The following TNS3 variants were observed in gnomAD, a reference collection of about 807,000 sequenced individuals.
The protein encoded by TNS3 is tensin-3.
In TNS3, 45 loss-of-function variants were observed where a neutral mutation model predicts 140.9. The ratio of observed to expected loss-of-function variants is 0.32; its 90% CI spans 0.25 to 0.41. The LOEUF (loss-of-function observed/expected upper bound fraction) is 0.41, where lower values mean the gene tolerates loss of function less well. Among genes scored for constraint, TNS3 ranks in the 10% least tolerant of loss-of-function variants. The pLI is 1.00. For missense variants in TNS3, 1,716 were observed against 1,906.7 expected (o/e 0.90, Z 1.86); for synonymous variants, 815 against 788.4 (o/e 1.03, Z -0.56).
chr7:47,428,802 A>G (rs557691566), intron 8 of TNS3, among the ~76,000 whole-genome samples: 1 of 152,362 alleles, frequency 6.6e-6, no homozygotes, highest in East Asian at 1.9e-4. Flanking sequence ...GCATGATGGG[A>G]CATAGATTCC....
intron 24 of TNS3, 100 bp downstream of exon 24, chr7:47,296,982 G>C: frequency 1.4e-6 from 2 of 1,414,618 alleles, no homozygotes; most frequent in Non-Finnish European, 1.9e-6. Flanking sequence ...AAATTTGTGA[G>C]TATTGTTAAA....
intron 3 of TNS3, among the ~76,000 whole-genome samples, chr7:47,488,145 A>G (rs994751847): frequency 2.6e-5 from 4 of 152,356 alleles, no homozygotes; most frequent in Admixed American, 6.5e-5. Flanking sequence ...ATAAACTAGC[A>G]AGATCTTTAA....
At chr7:47,454,686 C>CA (rs1175448053) in intron 4 of TNS3, among the ~76,000 whole-genome samples, 1 of 152,126 alleles carries the variant, frequency 6.6e-6, no homozygotes, top group Non-Finnish European at 1.5e-5. Context: ...TGACAGAAAA[C>CA]AGGCCGAGCC....
At chr7:47,347,428 G>T (rs1467684248) in intron 17 of TNS3, among the ~76,000 whole-genome samples, 2 of 152,124 alleles carry the variant, frequency 1.3e-5, no homozygotes, top group Non-Finnish European at 1.5e-5. Flanking sequence ...TAAAGAGAAG[G>T]TTCCACAGAG....
At chr7:47,433,234 G>A (rs577652507) in intron 8 of TNS3, among the ~76,000 whole-genome samples, 1 of 152,218 alleles carries the variant, frequency 6.6e-6, no homozygotes, top group Non-Finnish European at 1.5e-5. Context: ...GGCGGATTTC[G>A]CCAAATGTCA....
chr7:47,306,529 T>C (rs996534231), intron 20 of TNS3, among the ~76,000 whole-genome samples: 1 of 152,176 alleles, frequency 6.6e-6, no homozygotes, highest in African/African-American at 2.4e-5. Flanking sequence ...GAATTAAAAA[T>C]TACTATTTTT....
At chr7:47,352,236 T>C (rs943583156) in intron 17 of TNS3, among the ~76,000 whole-genome samples, 8 of 152,146 alleles carry the variant, frequency 5.3e-5, no homozygotes, top group African/African-American at 1.2e-4. Context: ...ACTTACACTA[T>C]ACTCACTGGC....
At chr7:47,318,035 A>G (rs73695310) in intron 20 of TNS3, among the ~76,000 whole-genome samples, 16,669 of 152,140 alleles carry the variant, frequency 0.11, 1,137 homozygotes, top group South Asian at 0.19. Flanking sequence ...TACACCAACT[A>G]TCTCCAGAAC....
At position 47,544,978 on chromosome 7, in the gene TNS3, G is replaced by A. The variant is rs1584841517; in HGVS notation, c.-264-15831C>T. ...TTGTACGAAAAGCCTGGAGATCCAC[G>A]ATGTTAGGACTTACTCTGCCACTTT... On this transcript the variant is annotated intron_variant, in intron 1 of 30. Coordinates refer to ENST00000311160, the MANE Select transcript of TNS3 (RefSeq NM_022748.12). Among the ~76,000 whole-genome samples, 6 of 151,958 alleles carry A rather than the reference G, an allele frequency of 3.9e-5. 1 individual carries two copies. The highest frequency in any genetic ancestry group is 3.3e-4 in the Admixed American group (5 of 15,268).
At chr7:47,279,354 C>T (rs1163247080) in intron 30 of TNS3, 1 of 152,300 alleles carries the variant, frequency 6.6e-6, no homozygotes, top group African/African-American at 2.4e-5. Flanking sequence ...AGGAATGAGC[C>T]CAGGCCAAGC....
chr7:47,278,048 C>CG lies in TNS3; in HGVS notation c.*27dup, dbSNP rs1415003661. The CG allele has an allele frequency of 6.2e-7, 1 of 1,613,642 alleles. No homozygotes were observed. The highest frequency in any genetic ancestry group is 1.3e-5 in the African/African-American group (1 of 74,912). On this transcript the variant is annotated 3_prime_UTR_variant, in exon 31 of 31. Coordinates refer to ENST00000311160, the MANE Select transcript of TNS3 (RefSeq NM_022748.12). ...CTGTCTCCAGGGCTTCGAGAGGCAT[C>CG]GGTGGGTCCAGGGAGGGAGGGGAGT...
intron 17 of TNS3, among the ~76,000 whole-genome samples, chr7:47,366,740 C>CAGGCCACATGTGAACCTGGGA (rs892002172): frequency 6.6e-6 from 1 of 152,000 alleles, no homozygotes; most frequent in Non-Finnish European, 1.5e-5. Flanking sequence ...TGAACCTGGG[C>CAGGCCACATGTGAACCTGGGA]AGGCCACATA....
At chr7:47,468,905 T>G (rs1315740638) in intron 4 of TNS3, among the ~76,000 whole-genome samples, 1 of 152,096 alleles carries the variant, frequency 6.6e-6, no homozygotes, top group African/African-American at 2.4e-5. Flanking sequence ...ATATTCCAAC[T>G]GAACAGAACA....
At chr7:47,329,341 C>T (rs1166676551) in intron 20 of TNS3, among the ~76,000 whole-genome samples, 4 of 152,214 alleles carry the variant, frequency 2.6e-5, no homozygotes, top group African/African-American at 9.6e-5. Flanking sequence ...CCCCGTTCCT[C>T]CTGGGCTGCC....
At chr7:47,278,355 C>A in intron 30 of TNS3, 135 bp from the exon 31 acceptor site, 1 of 974,958 alleles carries the variant, frequency 1.0e-6, no homozygotes, top group Non-Finnish European at 1.5e-6. Context: ...TGCCCAGCAC[C>A]CTGCTGGCCA....
intron 1 of TNS3, among the ~76,000 whole-genome samples, chr7:47,554,901 G>A (rs1458376560): frequency 3.3e-5 from 5 of 152,026 alleles, no homozygotes; most frequent in Admixed American, 2.6e-4. Context: ...GGTAGTGTGC[G>A]CCTGTAATCC....
rs547797069 is a variant in TNS3, at chr7:47,498,987, G to T, written c.-115+7920C>A. ...CCTCAGTTGACAGTGGCTTGGTCCT[G>T]CTGGCCACCTTCGAGTCCAAGAAAG... is the stretch of plus-strand genomic sequence containing the variant. On this transcript the variant is annotated intron_variant, in intron 3 of 30. Transcript: ENST00000311160. 1.9e-3 allele frequency among the ~76,000 whole-genome samples: 287 copies of T among 152,394 alleles called. 4 individuals are homozygous for T. Among genetic ancestry groups the T allele is most frequent in the African/African-American group, 6.6e-3 (276 of 41,602 alleles).
chr7:47,565,302 C>T (rs4433044), intron 1 of TNS3, among the ~76,000 whole-genome samples: 42,624 of 151,408 alleles, frequency 0.28, 7,483 homozygotes, highest in East Asian at 0.53. Context: ...GTCTCGATCT[C>T]CTGACCTCGT....
At chr7:47,450,450 C>T (rs1795965082) in intron 4 of TNS3, among the ~76,000 whole-genome samples, 1 of 152,192 alleles carries the variant, frequency 6.6e-6, no homozygotes, top group Non-Finnish European at 1.5e-5. Context: ...TTTTTCTCAC[C>T]CACTGAGCTG....
Sources: allele counts gnomAD v4.1 joint callset (sites outside exome capture counted in the v4.1 genomes callset), GRCh38; gene constraint gnomAD v4.1.1; transcripts MANE v1.5; gene names NCBI Gene and HGNC (gene_info 2026-07-23, HGNC 2026-07-21).